ZFYVE9: variants seen among roughly 807,000 people sequenced by gnomAD.
The protein encoded by ZFYVE9 is zinc finger FYVE-type containing 9.
In ZFYVE9, 43 loss-of-function variants were observed where a neutral mutation model predicts 126.7. The observed-to-expected ratio is 0.34, with a 90% CI of 0.27 to 0.44. The LOEUF (loss-of-function observed/expected upper bound fraction) is 0.44, where lower values mean the gene tolerates loss of function less well. ZFYVE9 is among the 20% of genes least tolerant of loss of function. The probability of loss-of-function intolerance (pLI) is 1.00; values close to 1 mark genes in which losing one functional copy is unlikely to be tolerated. For synonymous variants in ZFYVE9, 521 were observed against 597.4 expected (o/e 0.87, Z 1.87); for missense variants, 1,476 against 1,697.0 (o/e 0.87, Z 2.29).
rs1055845665 is a variant in ZFYVE9, at chr1:52,238,978, G to C, written c.1561G>C (p.Glu521Gln). ...SKSECYSNIY[E>Q]QRGNEATEGS... Reference sequence around the variant, plus strand: ...GTCAGAATGCTACTCAAATATTTATGAACAGAGAGGAAATGAGGCCACAGA... The same window carrying C: ...GTCAGAATGCTACTCAAATATTTATCAACAGAGAGGAAATGAGGCCACAGA... The change falls in exon 4 of 19, where the codon GAA becomes CAA. Residue 521 changes from glutamate to glutamine, a missense_variant. Coordinates refer to ENST00000287727, the MANE Select transcript of ZFYVE9 (RefSeq NM_004799.4). 6 of 1,613,974 alleles carry C rather than the reference G, an allele frequency of 3.7e-6. No individual in the cohort carries two copies. In the African/African-American group the frequency reaches 6.7e-5, roughly 18 times the overall value.
intron 1 of ZFYVE9, among the ~76,000 whole-genome samples, chr1:52,197,276 A>T (rs1644869090): frequency 6.6e-6 from 1 of 152,208 alleles, no homozygotes; most frequent in Non-Finnish European, 1.5e-5. Flanking sequence ...TATAGCGTGA[A>T]CAACTGGGTA....
chr1:52,168,378 G>A (rs889170453), intron 1 of ZFYVE9, among the ~76,000 whole-genome samples: 2 of 151,774 alleles, frequency 1.3e-5, no homozygotes, highest in Non-Finnish European at 2.9e-5. Flanking sequence ...CACCACACCC[G>A]GCTAGATTGT....
intron 1 of ZFYVE9, among the ~76,000 whole-genome samples, chr1:52,166,687 A>C (rs980137540): frequency 2.6e-5 from 4 of 152,058 alleles, no homozygotes; most frequent in African/African-American, 9.7e-5. Context: ...CCAAGGTAGG[A>C]GCATTGCTTG....
intron 1 of ZFYVE9, among the ~76,000 whole-genome samples, chr1:52,182,061 C>A (rs1302428040): frequency 6.6e-6 from 1 of 150,814 alleles, no homozygotes; most frequent in South Asian, 2.1e-4. Flanking sequence ...GGGTCAGCCC[C>A]TCGCCCGGCC....
rs558298289 is a variant in ZFYVE9 at position 52,268,764 on chromosome 1, A to C, written c.2625+132A>C. 17 of 1,086,582 alleles carry C rather than the reference A, an allele frequency of 1.6e-5. No homozygotes were observed. In the African/African-American group the frequency reaches 2.7e-4, roughly 17 times the overall value. The allele number at this position is 1,086,582 out of a possible 1,614,324, so 67.3% of individuals were successfully genotyped here. A position where few individuals can be genotyped will look rare whatever the true frequency, so the allele number is the denominator to read the frequency against. ...TTAGTGTATACGTGCACATATATGGATAAAGTAAATGTGGCAAAAATCAGC... is the reference window on the plus strand; with the variant it reads ...TTAGTGTATACGTGCACATATATGGCTAAAGTAAATGTGGCAAAAATCAGC... On this transcript the variant is annotated intron_variant, in intron 7 of 18. Coordinates refer to ENST00000287727, the MANE Select transcript of ZFYVE9 (RefSeq NM_004799.4).
At chr1:52,143,791 T>C (rs1211961254) in intron 1 of ZFYVE9, among the ~76,000 whole-genome samples, 2 of 152,222 alleles carry the variant, frequency 1.3e-5, no homozygotes, top group Non-Finnish European at 2.9e-5. Context: ...GATCCCTGAC[T>C]TAACCTTCTA....
chr1:52,211,651 T>G (rs1645029388), intron 1 of ZFYVE9, among the ~76,000 whole-genome samples: 1 of 152,168 alleles, frequency 6.6e-6, no homozygotes, highest in African/African-American at 2.4e-5. Context: ...TCTAGCCTTG[T>G]CAACACTGCG....
chr1:52,324,237 A>G (rs1646269112), intron 13 of ZFYVE9, among the ~76,000 whole-genome samples: 1 of 140,024 alleles, frequency 7.1e-6, no homozygotes, highest in South Asian at 2.4e-4. Flanking sequence ...CAACAGAACA[A>G]GACCCTGTCT....
chr1:52,196,566 G>A (rs2124562059), intron 1 of ZFYVE9, among the ~76,000 whole-genome samples: 1 of 152,232 alleles, frequency 6.6e-6, no homozygotes, highest in South Asian at 2.1e-4. Flanking sequence ...GAACCCAGGA[G>A]GCAGAGGTTG....
chr1:52,264,386 T>A (rs1190890338), intron 5 of ZFYVE9, among the ~76,000 whole-genome samples: 1 of 152,228 alleles, frequency 6.6e-6, no homozygotes, highest in Admixed American at 6.5e-5. Context: ...TTTATCTCTT[T>A]AATGCTACTT....
At chr1:52,236,211 T>C (rs983310158) in intron 3 of ZFYVE9, among the ~76,000 whole-genome samples, 3 of 152,174 alleles carry the variant, frequency 2.0e-5, no homozygotes, top group Non-Finnish European at 4.4e-5. Flanking sequence ...CCTGCTGCTT[T>C]TACTATGGTA....
intron 1 of ZFYVE9, among the ~76,000 whole-genome samples, chr1:52,188,057 C>T (rs977308354): frequency 4.5e-4 from 69 of 152,158 alleles, no homozygotes; most frequent in African/African-American, 1.6e-3. Context: ...TTCACAATAG[C>T]AAAGACATGG....
At chr1:52,289,992 T>C (rs1374511250) in intron 10 of ZFYVE9, among the ~76,000 whole-genome samples, 1 of 152,154 alleles carries the variant, frequency 6.6e-6, no homozygotes, top group Non-Finnish European at 1.5e-5. Context: ...TAAGCCAACA[T>C]ATTTTTCACC....
intron 1 of ZFYVE9, among the ~76,000 whole-genome samples, chr1:52,213,504 T>G (rs944495131): frequency 1.3e-5 from 2 of 151,906 alleles, no homozygotes; most frequent in Admixed American, 6.6e-5. Context: ...ACAAAAAAAT[T>G]AGCCGGGCCT....
chr1:52,299,817 C>T (rs1405161796), intron 12 of ZFYVE9, among the ~76,000 whole-genome samples: 1 of 152,232 alleles, frequency 6.6e-6, no homozygotes, highest in Non-Finnish European at 1.5e-5. Context: ...TGAACTCTAG[C>T]AGTGGGTCCA....
At chr1:52,344,378 C>G (rs1646466385) in intron 17 of ZFYVE9, among the ~76,000 whole-genome samples, 1 of 152,230 alleles carries the variant, frequency 6.6e-6, no homozygotes, top group South Asian at 2.1e-4. Context: ...TGGGTCACGT[C>G]AGCTATAAGA....
chr1:52,333,022 A>G (rs969219376), intron 14 of ZFYVE9, 104 bp downstream of exon 14: 5 of 1,412,524 alleles, frequency 3.5e-6, no homozygotes, highest in Non-Finnish European at 4.8e-6. Flanking sequence ...ATAGGTGACC[A>G]CAAACAAATT....
rs147040962 is a variant in ZFYVE9 at position 52,346,092 on chromosome 1, C to G, written c.4149C>G (p.Pro1383=). ...ATCAAGCAGGGAGCAATGGCCAGCC[C>G]CTTCCCTCGCAGTACATGAATGATC... ...VGYQAGSNGQ[P]LPSQYMNDLD... The change falls in exon 19 of 19, where the codon CCC becomes CCG. Residue 1383 remains proline, a synonymous_variant. Coordinates refer to ENST00000287727, the MANE Select transcript of ZFYVE9 (RefSeq NM_004799.4). The G allele has an allele frequency of 1.2e-4, 194 of 1,610,160 alleles. No individual in the cohort carries two copies. In the African/African-American group the frequency reaches 2.1e-3, roughly 18 times the overall value.
intron 1 of ZFYVE9, among the ~76,000 whole-genome samples, chr1:52,179,052 C>G (rs773113315): frequency 6.6e-6 from 1 of 152,174 alleles, no homozygotes; most frequent in Non-Finnish European, 1.5e-5. Flanking sequence ...AGCCCTCCCT[C>G]CGTGGCCTCC....
Sources: gnomAD v4.1 joint callset for allele counts (sites outside exome capture counted in the v4.1 genomes callset) on GRCh38, gnomAD v4.1.1 for gene constraint, MANE v1.5 for transcripts, NCBI Gene and HGNC (gene_info 2026-07-23, HGNC 2026-07-21) for gene names.